The following ARMC9 variants were observed in gnomAD, a reference collection of about 807,000 sequenced individuals.
The protein encoded by ARMC9 is armadillo repeat containing 9, also known as lisH domain-containing protein ARMC9.
In ARMC9, 94 loss-of-function variants were observed where a neutral mutation model predicts 107.0. The ratio of observed to expected loss-of-function variants is 0.88; its 90% confidence interval spans 0.74 to 1.04. The LOEUF (loss-of-function observed/expected upper bound fraction) is 1.04, where lower values mean the gene tolerates loss of function less well. Among genes scored for constraint, ARMC9 ranks in the 50% least tolerant of loss-of-function variants. The pLI is 0.00. For missense variants in ARMC9, 942 were observed against 1,030.1 expected (o/e 0.91, Z 1.17); for synonymous variants, 380 against 396.9 (o/e 0.96, Z 0.51).
chr2:231,263,622 A>G (rs1161762722), intron 12 of ARMC9, among the ~76,000 whole-genome samples: 1 of 152,234 alleles, frequency 6.6e-6, no homozygotes, highest in African/African-American at 2.4e-5. Context: ...TTGAAACCAT[A>G]GCAACAGACC....
chr2:231,358,768 A>G lies in ARMC9; in HGVS notation c.2132-1986A>G, dbSNP rs2045446879. On this transcript the variant is annotated intron_variant, in intron 22 of 24. Coordinates refer to ENST00000611582, the MANE Select transcript of ARMC9 (RefSeq NM_001352754.2). This position sits in a 1 kb window ranked among gnomAD's most constrained non-coding sequence, Gnocchi z 4.5. ...TGATCGGTTGAGTGCAGGCCCAGAAAGTACATTCTAGGCAAAAGACAGCCC... is the reference window on the plus strand; with the variant it reads ...TGATCGGTTGAGTGCAGGCCCAGAAGGTACATTCTAGGCAAAAGACAGCCC... 6.6e-6 allele frequency among the ~76,000 whole-genome samples: 1 copy of G among 152,224 alleles called. No individual in the cohort carries two copies. The highest frequency in any genetic ancestry group is 2.4e-5 in the African/African-American group (1 of 41,454).
chr2:231,215,225 C>G (rs936272531), intron 4 of ARMC9: 1 of 484,476 alleles, frequency 2.1e-6, no homozygotes, highest in African/African-American at 2.0e-5. Context: ...AAGCTATATT[C>G]CTAAATACCT....
At position 231,317,433 on chromosome 2, in the gene ARMC9, A is replaced by G. The variant is rs866516732; in HGVS notation, c.1774-14360A>G. Among the ~76,000 whole-genome samples the G allele has an allele frequency of 1.0e-3, 153 of 152,134 alleles. 1 individual carries two copies. The highest frequency in any genetic ancestry group is 3.3e-3 in the African/African-American group (138 of 41,494). Reference sequence around the variant, plus strand: ...CAATCCTCCTGCCTTGGCCTCCCAAAGTGCTAGGATTACAGGTGTGAGCCA... The same window carrying G: ...CAATCCTCCTGCCTTGGCCTCCCAAGGTGCTAGGATTACAGGTGTGAGCCA... On this transcript the variant is annotated intron_variant, in intron 19 of 24. Transcript: ENST00000611582.
At chr2:231,256,319 G>T (rs931157354) in intron 9 of ARMC9, 12 of 1,550,534 alleles carry the variant, frequency 7.7e-6, no homozygotes, top group African/African-American at 1.4e-5. Context: ...TTGCTTGCTC[G>T]CTGGGTCTTG....
chr2:231,242,882 A>G (rs1051758593), intron 9 of ARMC9, among the ~76,000 whole-genome samples: 5 of 152,308 alleles, frequency 3.3e-5, no homozygotes, highest in South Asian at 4.1e-4. Context: ...AGTCCAAGGC[A>G]GGCAGATTGC....
At chr2:231,256,951 G>A (rs1326673335) in intron 10 of ARMC9, among the ~76,000 whole-genome samples, 42 of 152,074 alleles carry the variant, frequency 2.8e-4, no homozygotes, top group Admixed American at 2.4e-3. Flanking sequence ...TCAGTCTCCC[G>A]ATTACAGGCA....
chr2:231,277,045 T>C (rs2039822884), intron 15 of ARMC9, among the ~76,000 whole-genome samples: 1 of 152,216 alleles, frequency 6.6e-6, no homozygotes, highest in South Asian at 2.1e-4. Context: ...TATTGCATTA[T>C]TCAGAGGTAG....
At chr2:231,238,075 G>A (rs758977063) in intron 8 of ARMC9, among the ~76,000 whole-genome samples, 3 of 151,776 alleles carry the variant, frequency 2.0e-5, no homozygotes, top group Admixed American at 1.3e-4. Context: ...ATGGAGGAAC[G>A]CAGGTGGAAA....
At position 231,219,524 on chromosome 2, in the gene ARMC9, C is replaced by A. The variant is rs113961516; in HGVS notation, c.504+2731C>A. On this transcript the variant is annotated intron_variant, in intron 5 of 24. Coordinates refer to ENST00000611582, the MANE Select transcript of ARMC9 (RefSeq NM_001352754.2). ...TGCTATTTTGAAGTTGGCTGTCAGT[C>A]TAATTGCCGTTCCTTTGAAGGTGAT... Among the ~76,000 whole-genome samples, 90 of 152,322 alleles carry A rather than the reference C, an allele frequency of 5.9e-4. 1 individual carries two copies. The highest frequency in any genetic ancestry group is 2.0e-3 in the African/African-American group (84 of 41,572).
At chr2:231,226,101 C>T (rs2034622284) in intron 6 of ARMC9, among the ~76,000 whole-genome samples, 1 of 152,224 alleles carries the variant, frequency 6.6e-6, no homozygotes, top group Admixed American at 6.5e-5. Flanking sequence ...AGGTAATCCA[C>T]CCGCCTCAGC....
rs986009932 is a variant in ARMC9 at position 231,278,391 on chromosome 2, T to C, written c.1484T>C (p.Met495Thr). ...NLCLRSTGKNMCAKVAGLVLK... is the reference protein window; with the variant it reads ...NLCLRSTGKNTCAKVAGLVLK... ...GATTTGTTTCCCATAGGGAAGAACA[T>C]GTGTGCCAAGGTGGCAGGCCTCGTG... The change falls in exon 16 of 25, where the codon ATG becomes ACG. Residue 495 changes from methionine to threonine, a missense_variant. By Grantham distance (81) the Met-to-Thr change is moderately conservative (BLOSUM62 -1). Transcript: ENST00000611582. 5 of 1,614,178 alleles carry C rather than the reference T, an allele frequency of 3.1e-6. No individual in the cohort carries two copies. Among genetic ancestry groups the C allele is most frequent in the Non-Finnish European group, 3.4e-6 (4 of 1,180,014 alleles).
intron 12 of ARMC9, among the ~76,000 whole-genome samples, chr2:231,267,620 T>A (rs765276698): frequency 6.6e-6 from 1 of 152,234 alleles, no homozygotes; most frequent in Non-Finnish European, 1.5e-5. Flanking sequence ...TCTCAGGGGT[T>A]GATCACTTGA....
chr2:231,363,167 C>T (rs2045662286), intron 23 of ARMC9, among the ~76,000 whole-genome samples: 1 of 152,228 alleles, frequency 6.6e-6, no homozygotes, highest in Admixed American at 6.5e-5. Context: ...GAGTGCAGGG[C>T]ATCTGTGCTG....
At chr2:231,315,408 G>A (rs1392298338) in intron 19 of ARMC9, among the ~76,000 whole-genome samples, 5 of 151,956 alleles carry the variant, frequency 3.3e-5, no homozygotes, top group Non-Finnish European at 4.4e-5. Flanking sequence ...GCGTGGTGGC[G>A]CACACCTGTA....
At chr2:231,221,666 CAA>C (rs535605605) in intron 5 of ARMC9, among the ~76,000 whole-genome samples, 5 of 134,526 alleles carry the variant, frequency 3.7e-5, no homozygotes, top group Non-Finnish European at 4.8e-5. Flanking sequence ...CCGTCTCTAC[CAA>C]AAAAAAAAAA....
chr2:231,282,097 T>A lies in ARMC9; in HGVS notation c.1590T>A (p.Leu530=). The part of the protein sequence containing the change: ...PYVNGALYSI[L]SVPSIREEAR... ...TGAATGGAGCTCTGTACAGCATCCT[T>A]TCTGTTCCATCCATTCGTGAGGAAG... The change falls in exon 17 of 25, where the codon CTT becomes CTA. Residue 530 remains leucine (L), a synonymous_variant. Coordinates refer to ENST00000611582, the MANE Select transcript of ARMC9 (RefSeq NM_001352754.2). The A allele has an allele frequency of 6.2e-7, 1 of 1,614,180 alleles. No homozygotes were observed. The highest frequency in any genetic ancestry group is 1.7e-5 in the Admixed American group (1 of 60,022).
chr2:231,263,961 T>A (rs2038620173), intron 12 of ARMC9, among the ~76,000 whole-genome samples: 1 of 152,244 alleles, frequency 6.6e-6, no homozygotes, highest in Admixed American at 6.5e-5. Context: ...CATTTTAACA[T>A]CTTTGCTATT....
chr2:231,273,026 G>A lies in ARMC9; in HGVS notation c.1282G>A (p.Asp428Asn), dbSNP rs2039471555. The change falls in exon 14 of 25, where the codon GAT becomes AAT. Residue 428 changes from aspartate (D) to asparagine (N), a missense_variant. Transcript: ENST00000611582. ...GGGAAGGCTGAAGGAGGAGGACAAG[G>A]ATATCATCACCAGGGAGAATGTTCT... ...LEGRLKEEDK[D>N]IITRENVLGA... The A allele has an allele frequency of 6.2e-7, 1 of 1,613,970 alleles. No individual in the cohort carries two copies. The highest frequency in any genetic ancestry group is 8.5e-7 in the Non-Finnish European group (1 of 1,179,894).
chr2:231,355,435 CTTCA>C (rs891185015), intron 21 of ARMC9, among the ~76,000 whole-genome samples: 61 of 152,360 alleles, frequency 4.0e-4, no homozygotes, highest in African/African-American at 1.4e-3. Flanking sequence ...GGATTCATCC[CTTCA>C]TTCATCTGCT....
Sources: gnomAD v4.1 joint callset for allele counts (sites outside exome capture counted in the v4.1 genomes callset) on GRCh38, gnomAD v4.1.1 for gene constraint, Gnocchi (gnomAD v3.1) non-coding constraint, MANE v1.5 for transcripts, NCBI Gene and HGNC (gene_info 2026-07-23, HGNC 2026-07-21) for gene names.